The following C9orf72 variants were observed in gnomAD, a reference collection of about 807,000 sequenced individuals.
C9orf72 encodes the protein guanine nucleotide exchange factor C9orf72.
C9orf72 carries 44 observed loss-of-function variants against 51.6 expected under a neutral mutation model. That is an observed-to-expected ratio of 0.85 (90% CI 0.67 to 1.10). C9orf72 has a LOEUF of 1.10. C9orf72 is among the 50% of genes least tolerant of loss of function. The pLI is 0.00. For missense variants in C9orf72, 607 were observed against 570.6 expected (o/e 1.06, Z -0.65); for synonymous variants, 213 against 194.2 (o/e 1.10, Z -0.81).
chr9:27,554,190 T>G (rs10124158), intron 8 of C9orf72, among the ~76,000 whole-genome samples: 70,036 of 151,946 alleles, frequency 0.46, 16,427 homozygotes, highest in South Asian at 0.5. Flanking sequence ...AATACAAATT[T>G]TTCTACCATA....
chr9:27,561,439 C>A, intron 5 of C9orf72, 146 bp downstream of exon 5: 1 of 1,391,656 alleles, frequency 7.2e-7, no homozygotes. Flanking sequence ...AAAAATAACA[C>A]AAATTTAAGC....
intron 1 of C9orf72, among the ~76,000 whole-genome samples, chr9:27,567,420 T>G (rs1406048528): frequency 6.6e-6 from 1 of 152,158 alleles, no homozygotes; most frequent in Non-Finnish European, 1.5e-5. Context: ...AAGAAATAAC[T>G]TAAAAAAGGG....
At chr9:27,557,015 A>G (rs1490486975) in intron 7 of C9orf72, among the ~76,000 whole-genome samples, 1 of 152,160 alleles carries the variant, frequency 6.6e-6, no homozygotes, top group African/African-American at 2.4e-5. Flanking sequence ...ATCCAAAGGA[A>G]GTGGTTAAGT....
chr9:27,548,983 T>C (rs377051872), intron 9 of C9orf72, among the ~76,000 whole-genome samples: 1 of 152,114 alleles, frequency 6.6e-6, no homozygotes, highest in East Asian at 1.9e-4. Flanking sequence ...TAGCTGGGAT[T>C]ACAGGCACAC....
In C9orf72 at chr9:27,548,724, G is replaced by A. The variant is rs931007664; in HGVS notation, c.1150-58C>T. ...TTGCTCACATTCTACTCGTACAGAA[G>A]TTTCTATGACAGTGTTGACAGTGCT... is the stretch of plus-strand genomic sequence containing the variant. On this transcript the variant is annotated intron_variant, in intron 9 of 10. Transcript: ENST00000380003. The A allele has an allele frequency of 7.1e-6, 7 of 980,436 alleles. No individual in the cohort carries two copies. The African/African-American group carries it at 1.1e-4, about 16-fold the overall frequency. The allele number at this position is 980,436 out of a possible 1,614,324, so 60.7% of individuals were successfully genotyped here. A position where few individuals can be genotyped will look rare whatever the true frequency, so the allele number is the denominator to read the frequency against.
Position 27,548,584 on chromosome 9 carries a change from G to A in C9orf72, c.1232C>T (p.Thr411Ile). Residue 411 changes from threonine to isoleucine, a missense_variant, in exon 10 of 11, where the codon ACA becomes ATA. Physicochemically the swap from Thr to Ile is moderately conservative, Grantham distance 89. Transcript: ENST00000380003. ...FLLVLHRKAL[T>I]LIKYIEDDTQ... ...ATCGTCTTCTATATATTTTATTAGT[G>A]TCAAGGCTTTTCTGTGAAGGACAAG... The A allele has an allele frequency of 5.0e-6, 8 of 1,606,274 alleles. No homozygotes were observed. Among genetic ancestry groups the A allele is most frequent in the Non-Finnish European group, 6.8e-6 (8 of 1,173,148 alleles).
At chr9:27,569,364 C>T (rs1819538126) in intron 1 of C9orf72, among the ~76,000 whole-genome samples, 1 of 152,200 alleles carries the variant, frequency 6.6e-6, no homozygotes, top group African/African-American at 2.4e-5. Flanking sequence ...CACTGACTCA[C>T]CCAGAGCAAC....
chr9:27,573,507 G>GACCACGCCCC (rs1410182614), upstream of C9orf72: 1 of 77,024 alleles, frequency 1.3e-5, no homozygotes, highest in African/African-American at 4.7e-5. Flanking sequence ...GCCCGCCCCC[G>GACCACGCCCC]GGCCCGCCCC....
intron 8 of C9orf72, among the ~76,000 whole-genome samples, chr9:27,555,587 A>T (rs1284453210): frequency 1.3e-5 from 2 of 148,268 alleles, no homozygotes; most frequent in Non-Finnish European, 3.0e-5. Flanking sequence ...TAAATAAGAC[A>T]GAGTCTCGGT....
Position 27,548,571 on chromosome 9 carries a change from A to C in C9orf72, c.1245T>G (p.Tyr415Ter). The change falls in exon 10 of 11, where the codon TAT (tyrosine) becomes TAG (stop). Residue 415 changes from tyrosine to a stop codon, truncating the protein, a stop_gained. Coordinates refer to ENST00000380003, the MANE Select transcript of C9orf72 (RefSeq NM_018325.5). LOFTEE classifies it high-confidence loss of function. ...LHRKALTLIK[Y>*]IEDDTQKGKK... ...GTTTTACTCACGTATCGTCTTCTAT[A>C]TATTTTATTAGTGTCAAGGCTTTTC... 1 of 1,591,724 alleles carries C rather than the reference A, an allele frequency of 6.3e-7. No individual in the cohort carries two copies. The highest frequency in any genetic ancestry group is 8.6e-7 in the Non-Finnish European group (1 of 1,159,904).
chr9:27,557,148 TG>T (rs1421809730), intron 7 of C9orf72, among the ~76,000 whole-genome samples: 9 of 151,942 alleles, frequency 5.9e-5, no homozygotes, highest in African/African-American at 2.2e-4. Context: ...GATGATCCAG[TG>T]GGGGTGGGAG....
chr9:27,547,967 A>G lies in C9orf72; in HGVS notation c.*269T>C, dbSNP rs1015333140. On this transcript the variant is annotated 3_prime_UTR_variant, in exon 11 of 11. Coordinates refer to ENST00000380003, the MANE Select transcript of C9orf72 (RefSeq NM_018325.5). ...GTGGTCAAGTTTACATCCTATTATTATATCTTTAAAAGATAGCAATAATAT... is the reference window on the plus strand; with the variant it reads ...GTGGTCAAGTTTACATCCTATTATTGTATCTTTAAAAGATAGCAATAATAT... The G allele has an allele frequency of 4.2e-6, 1 of 235,792 alleles. No individual in the cohort carries two copies. The highest frequency in any genetic ancestry group is 8.1e-6 in the Non-Finnish European group (1 of 123,380). 14.6% of individuals were successfully genotyped at this position (235,792 alleles called of 1,614,324 possible).
In C9orf72 at chr9:27,560,926, G is replaced by T. The variant is rs1819327913; in HGVS notation, c.666-627C>A. ...AACATGTAGGCACTCAACAAATACT[G>T]GCTATTTCTAGAAGAAATGTAAATA... On this transcript the variant is annotated intron_variant, in intron 5 of 10. Coordinates refer to ENST00000380003, the MANE Select transcript of C9orf72 (RefSeq NM_018325.5). 4 of 256,194 alleles carry T rather than the reference G, an allele frequency of 1.6e-5. No individual in the cohort carries two copies. The South Asian group carries it at 6.0e-4, about 38-fold the overall frequency. 15.9% of individuals were successfully genotyped at this position (256,194 alleles called of 1,614,324 possible).
Position 27,556,758 on chromosome 9 carries a change from G to T in C9orf72, c.894C>A (p.Val298=). 1 of 1,613,868 alleles carries T rather than the reference G, an allele frequency of 6.2e-7. No homozygotes were observed. The highest frequency in any genetic ancestry group is 1.1e-5 in the South Asian group (1 of 91,036). ...TGSFVLPFRQ[V]MYAPYPTTHI... ...GTGTGGTGGGATATGGAGCATACATGACTTGCCGGAAAGGCAGCACAAAGC... is the reference window on the plus strand; with the variant it reads ...GTGTGGTGGGATATGGAGCATACATTACTTGCCGGAAAGGCAGCACAAAGC... Residue 298 remains valine (V), a synonymous_variant, in exon 8 of 11, where the codon GTC becomes GTA. Coordinates refer to ENST00000380003, the MANE Select transcript of C9orf72 (RefSeq NM_018325.5).
chr9:27,562,250 G>A (rs1304050080), intron 4 of C9orf72, 131 bp downstream of exon 4: 1 of 382,690 alleles, frequency 2.6e-6, no homozygotes, highest in Non-Finnish European at 4.6e-6. Context: ...TGCTAAAGTG[G>A]CTAATACTGT....
At chr9:27,565,806 GA>G (rs1175328622) in intron 2 of C9orf72, among the ~76,000 whole-genome samples, 1 of 151,960 alleles carries the variant, frequency 6.6e-6, no homozygotes, top group Admixed American at 6.6e-5. Context: ...ATTCTGCAGT[GA>G]AAAAAAGATA....
chr9:27,561,269 A>G (rs1819340181), intron 5 of C9orf72: 2 of 1,108,380 alleles, frequency 1.8e-6, no homozygotes, highest in South Asian at 4.8e-5. Context: ...GTTCATCTAC[A>G]GTACAACTTA....
intron 3 of C9orf72, 50 bp from the exon 4 acceptor site, chr9:27,562,526 A>G: frequency 1.1e-6 from 1 of 882,442 alleles, no homozygotes; most frequent in South Asian, 1.8e-5. Flanking sequence ...ATATGAGAGA[A>G]GCTGGGCAAT....
At chr9:27,553,674 C>T (rs1324659868) in intron 8 of C9orf72, among the ~76,000 whole-genome samples, 2 of 152,060 alleles carry the variant, frequency 1.3e-5, no homozygotes, top group Non-Finnish European at 2.9e-5. Flanking sequence ...GATGAAGACG[C>T]CAAAAGCAAC....
Sources: gnomAD v4.1 joint callset for allele counts (sites outside exome capture counted in the v4.1 genomes callset) on GRCh38, gnomAD v4.1.1 for gene constraint, MANE v1.5 for transcripts, NCBI Gene and HGNC (gene_info 2026-07-23, HGNC 2026-07-21) for gene names.